LARS1: variants seen among roughly 807,000 people sequenced by gnomAD.
The protein encoded by LARS1 is leucine--tRNA ligase, cytoplasmic.
LARS1 carries 100 observed loss-of-function variants against 162.8 expected under a neutral mutation model. The ratio of observed to expected loss-of-function variants is 0.61; its 90% CI spans 0.52 to 0.73. LARS1 has a LOEUF of 0.73. Among genes scored for constraint, LARS1 ranks in the 30% least tolerant of loss-of-function variants. The pLI, the probability that LARS1 is intolerant of heterozygous loss-of-function variation, is 0.00. For synonymous variants in LARS1, 457 were observed against 462.8 expected (o/e 0.99, Z 0.16); for missense variants, 1,258 against 1,408.9 (o/e 0.89, Z 1.71).
At chr5:146,159,550 A>G (rs1281402522) in intron 7 of LARS1, 80 bp from the exon 8 acceptor site, 1 of 1,021,598 alleles carries the variant, frequency 9.8e-7, no homozygotes, top group African/African-American at 1.6e-5. Flanking sequence ...GTTGCACCTA[A>G]TTTCTTACAT....
intron 19 of LARS1, 94 bp downstream of exon 19, chr5:146,143,318 T>C: frequency 6.8e-7 from 1 of 1,463,076 alleles, no homozygotes; most frequent in Non-Finnish European, 9.2e-7. Flanking sequence ...CAAAATTCTG[T>C]GAAATAAATC....
rs1310856959 is a variant in LARS1, at chr5:146,151,274, C to G, written c.1425+588G>C. ...TCCAGAAAAATGTAGGAAAGCTAAA[C>G]TAAAAAACATTCTTGTTGATGTCCT... On this transcript the variant is annotated intron_variant, in intron 14 of 31. Coordinates refer to ENST00000394434, the MANE Select transcript of LARS1 (RefSeq NM_020117.11). Among the ~76,000 whole-genome samples the G allele has an allele frequency of 2.6e-5, 4 of 152,192 alleles. No individual in the cohort carries two copies. In the East Asian group the frequency reaches 5.8e-4, roughly 22 times the overall value.
intron 4 of LARS1, among the ~76,000 whole-genome samples, chr5:146,169,439 GAAT>G (rs1448303066): frequency 6.6e-6 from 1 of 152,046 alleles, no homozygotes; most frequent in Non-Finnish European, 1.5e-5. Context: ...ACCACTAATA[GAAT>G]AATAAAAACA....
chr5:146,157,672 T>C (rs375333658), intron 9 of LARS1, 44 bp from the exon 10 acceptor site: 1 of 1,612,744 alleles, frequency 6.2e-7, no homozygotes. Context: ...ATGTCAACTC[T>C]GTAACAACTA....
intron 3 of LARS1, among the ~76,000 whole-genome samples, 161 bp from the exon 4 acceptor site, chr5:146,172,151 T>C (rs1754311579): frequency 6.6e-6 from 1 of 152,188 alleles, no homozygotes; most frequent in African/African-American, 2.4e-5. Context: ...GGAATTACTT[T>C]TGAATATGCA....
At chr5:146,159,597 C>A in intron 7 of LARS1, 127 bp from the exon 8 acceptor site, 1 of 667,232 alleles carries the variant, frequency 1.5e-6, no homozygotes, top group Non-Finnish European at 2.7e-6. Context: ...ATATCTGTGT[C>A]TATTATGTGT....
chr5:146,160,425 C>T lies in LARS1; in HGVS notation c.656G>A (p.Arg219Lys). The change falls in exon 7 of 32, where the codon AGA (arginine) becomes AAA (lysine). Residue 219 changes from arginine to lysine, a missense_variant. Physicochemically the swap from Arg to Lys is conservative, Grantham distance 26. Coordinates refer to ENST00000394434, the MANE Select transcript of LARS1 (RefSeq NM_020117.11). Reference sequence around the variant, plus strand: ...TTCTCTTAATGTTAAAAATTGCCATCTGACAAATGAATCATAGTAAGGATT... The same window carrying T: ...TTCTCTTAATGTTAAAAATTGCCATTTGACAAATGAATCATAGTAAGGATT... The part of the protein sequence containing the change: ...DVNPYYDSFV[R>K]WQFLTLRERN... 1.3e-6 allele frequency: 2 copies of T among 1,585,368 alleles called. No individual in the cohort carries two copies. Among genetic ancestry groups the T allele is most frequent in the Non-Finnish European group, 1.7e-6 (2 of 1,167,664 alleles).
At chr5:146,143,354 T>C in intron 19 of LARS1, 58 bp downstream of exon 19, 1 of 1,535,844 alleles carries the variant, frequency 6.5e-7, no homozygotes, top group Non-Finnish European at 8.8e-7. Context: ...AATACATAAA[T>C]CAAATATCAC....
chr5:146,122,411 A>T, intron 30 of LARS1, 81 bp downstream of exon 30: 1 of 766,646 alleles, frequency 1.3e-6, no homozygotes, highest in Non-Finnish European at 2.2e-6. Context: ...TCTATTTTTT[A>T]AATGTGGGTT....
intron 15 of LARS1, among the ~76,000 whole-genome samples, chr5:146,148,246 G>T (rs1753107738): frequency 6.6e-6 from 1 of 152,208 alleles, no homozygotes; most frequent in Admixed American, 6.5e-5. Flanking sequence ...GAGGAGCAAA[G>T]GGTATTCTTA....
Position 146,142,983 on chromosome 5 carries a change from T to C in LARS1, c.1979A>G (p.Gln660Arg). ...IAKEKLDQLK[Q>R]EFEFWYPVDL... is the part of the protein sequence containing the mutation. ...AACAGGATACCAGAATTCAAACTCC[T>C]GCTTTAACTGATCTAATTTTTCCTT... Residue 660 changes from glutamine (Q) to arginine (R), a missense_variant, in exon 20 of 32, where the codon CAG (glutamine) becomes CGG (arginine). Transcript: ENST00000394434. 1 of 1,613,980 alleles carries C rather than the reference T, an allele frequency of 6.2e-7. No homozygotes were observed. Among genetic ancestry groups the C allele is most frequent in the African/African-American group, 1.3e-5 (1 of 75,038 alleles).
chr5:146,175,406 G>A (rs2126598452), intron 2 of LARS1, among the ~76,000 whole-genome samples: 1 of 151,948 alleles, frequency 6.6e-6, no homozygotes, highest in Admixed American at 6.6e-5. Flanking sequence ...AGCCAGGCGT[G>A]GTGGCATGCA....
intron 22 of LARS1, among the ~76,000 whole-genome samples, chr5:146,133,728 G>A (rs1322688254): frequency 2.1e-5 from 3 of 143,502 alleles, no homozygotes; most frequent in African/African-American, 7.6e-5. Flanking sequence ...AACTCATTAT[G>A]TAGTTATTTC....
rs1752927267 is a variant in LARS1, at chr5:146,144,496, G to C, written c.1631C>G (p.Ser544Cys). The stretch of plus-strand genomic sequence containing the variant: ...CGTTTCCAGGTTCTTCAAGCACTGA[G>C]ATGTCTGTTTCTTCCAATTCTCTTC... The part of the protein sequence containing the change: ...YGEENWKKQT[S>C]QCLKNLETFC... Residue 544 changes from serine (S) to cysteine (C), a missense_variant, in exon 17 of 32, where the codon TCT becomes TGT. Transcript: ENST00000394434. 6.2e-7 allele frequency: 1 copy of C among 1,613,816 alleles called. No homozygotes were observed. Among genetic ancestry groups the C allele is most frequent in the Non-Finnish European group, 8.5e-7 (1 of 1,179,930 alleles).
In LARS1 at chr5:146,113,384, T is replaced by C. The variant is rs17104247; in HGVS notation, c.*722A>G. 0.061 allele frequency: 9,223 copies of C among 152,092 alleles called. 319 individuals are homozygous for C. Among genetic ancestry groups the C allele is most frequent in the Non-Finnish European group, 0.069 (4,713 of 68,162 alleles). The allele number at this position is 152,092 out of a possible 1,614,324, so 9.4% of individuals were successfully genotyped here. A position where few individuals can be genotyped will look rare whatever the true frequency, so the allele number is the denominator to read the frequency against. On this transcript the variant is annotated 3_prime_UTR_variant, in exon 32 of 32. Coordinates refer to ENST00000394434, the MANE Select transcript of LARS1 (RefSeq NM_020117.11). ...CGACCAGCATGACCTTTAAACACAA[T>C]TGGACTTAAGACAAATTTAGTAAAT...
chr5:146,171,126 G>A (rs1399092336), intron 4 of LARS1, among the ~76,000 whole-genome samples: 2 of 152,092 alleles, frequency 1.3e-5, no homozygotes, highest in Non-Finnish European at 2.9e-5. Flanking sequence ...GAAGGCCGAG[G>A]TGGGTGGATC....
At chr5:146,154,870 T>A (rs1753451553) in intron 10 of LARS1, among the ~76,000 whole-genome samples, 2 of 152,242 alleles carry the variant, frequency 1.3e-5, no homozygotes, top group Non-Finnish European at 2.9e-5. Flanking sequence ...ATTTTTTTTT[T>A]GAGATGGAGT....
intron 21 of LARS1, among the ~76,000 whole-genome samples, chr5:146,137,170 T>C (rs1752547818): frequency 6.6e-6 from 1 of 152,220 alleles, no homozygotes; most frequent in African/African-American, 2.4e-5. Flanking sequence ...AGTGCTGGGA[T>C]TATAGGCGTG....
In LARS1 at chr5:146,153,804, C is replaced by T. The variant is rs749350109; in HGVS notation, c.1160G>A (p.Gly387Asp). The T allele has an allele frequency of 8.7e-6, 14 of 1,613,850 alleles. No individual in the cohort carries two copies. Among genetic ancestry groups the T allele is most frequent in the Admixed American group, 1.7e-5 (1 of 60,004 alleles). Reference protein sequence around the residue: ...MLTIKEDKGTGVVTSVPSDSP... With the variant: ...MLTIKEDKGTDVVTSVPSDSP... Reference sequence around the variant, plus strand: ...GTCGGAAGGAACACTTGTAACCACACCAGTGCCTTAGAAAACAAAGTGTGG... The same window carrying T: ...GTCGGAAGGAACACTTGTAACCACATCAGTGCCTTAGAAAACAAAGTGTGG... The change falls in exon 12 of 32, where the codon GGT (glycine) becomes GAT (aspartate). Residue 387 changes from glycine to aspartate, a missense_variant. Physicochemically the swap from Gly to Asp is moderately conservative, Grantham distance 94 (BLOSUM62 -1). Transcript: ENST00000394434.
Sources: allele counts gnomAD v4.1 joint callset (sites outside exome capture counted in the v4.1 genomes callset), GRCh38; gene constraint gnomAD v4.1.1; transcripts MANE v1.5; gene names NCBI Gene and HGNC (gene_info 2026-07-23, HGNC 2026-07-21).